RBFOX1: variants seen among roughly 807,000 people sequenced by gnomAD.
The protein encoded by RBFOX1 is RNA binding fox-1 homolog 1.
RBFOX1 carries 8 observed loss-of-function variants against 57.7 expected under a neutral mutation model. The ratio of observed to expected loss-of-function variants is 0.14; its 90% CI spans 0.08 to 0.25. The LOEUF is 0.25. Ranked by LOEUF, RBFOX1 falls within the 10% of genes least tolerant of loss-of-function variation. The pLI, the probability that RBFOX1 is intolerant of heterozygous loss-of-function variation, is 1.00. For synonymous variants in RBFOX1, 326 were observed against 222.4 expected (o/e 1.47, Z -4.15); for missense variants, 611 against 548.5 (o/e 1.11, Z -1.14).
intron 2 of RBFOX1, chr16:5,467,311 G>A: frequency 1.4e-6 from 2 of 1,434,756 alleles, no homozygotes; most frequent in Non-Finnish European, 1.9e-6. Flanking sequence ...GGAAATGAAA[G>A]CAATAGAAAA....
intron 4 of RBFOX1, among the ~76,000 whole-genome samples, chr16:7,315,462 C>CCCCCG (rs1190311368): frequency 6.8e-6 from 1 of 148,056 alleles, no homozygotes; most frequent in Non-Finnish European, 1.5e-5. Flanking sequence ...CCCTACCCCC[C>CCCCCG]CCCCCATACT....
At chr16:5,708,069 G>A (rs1329255973) in intron 3 of RBFOX1, among the ~76,000 whole-genome samples, 3 of 152,140 alleles carry the variant, frequency 2.0e-5, no homozygotes, top group Non-Finnish European at 4.4e-5. Flanking sequence ...GCTAGTTGCT[G>A]TCCATACCAA....
chr16:5,260,493 G>T (rs1750248166), intron 1 of RBFOX1, among the ~76,000 whole-genome samples: 1 of 152,182 alleles, frequency 6.6e-6, no homozygotes, highest in Admixed American at 6.5e-5. Context: ...GAAACTGAAG[G>T]AACTGGTCAA....
chr16:6,370,362 GAAAAAAAAAA>G (rs71145221), intron 2 of RBFOX1, among the ~76,000 whole-genome samples: 6 of 81,976 alleles, frequency 7.3e-5, no homozygotes, highest in South Asian at 1.2e-3. Context: ...CGTCTCAAAA[GAAAAAAAAAA>G]AAAAAAAAAA....
intron 14 of RBFOX1, among the ~76,000 whole-genome samples, chr16:7,698,183 G>GGGGTGTGTGTGT (rs1355248429): frequency 6.6e-5 from 9 of 136,116 alleles, no homozygotes; most frequent in African/African-American, 1.9e-4. Context: ...AGTCCAAGAG[G>GGGGTGTGTGTGT]GTGTGTGTGT....
intron 4 of RBFOX1, among the ~76,000 whole-genome samples, chr16:7,071,918 C>T (rs76767684): frequency 6.6e-6 from 1 of 152,118 alleles, no homozygotes; most frequent in Non-Finnish European, 1.5e-5. Flanking sequence ...TTGCTCTTCA[C>T]TACTACATCT....
In RBFOX1 at chr16:6,715,588, A is replaced by G. The variant is rs190383485; in HGVS notation, c.-16+60938A>G. On this transcript the variant is annotated intron_variant, in intron 3 of 15. Coordinates refer to ENST00000550418, the MANE Select transcript of RBFOX1 (RefSeq NM_018723.4). ...GAAGAGTCTTAAGAGCTAAGAATCC[A>G]GATTGGCTGAGCTAGTTTTCTCTTG... is the stretch of plus-strand genomic sequence containing the variant. 2.0e-5 allele frequency among the ~76,000 whole-genome samples: 3 copies of G among 152,316 alleles called. No individual in the cohort carries two copies. In the East Asian group the frequency reaches 5.8e-4, roughly 29 times the overall value.
intron 3 of RBFOX1, among the ~76,000 whole-genome samples, chr16:6,669,444 T>G (rs2098751110): frequency 6.6e-6 from 1 of 152,222 alleles, no homozygotes. Flanking sequence ...TATCAGAATT[T>G]GCAGATCAAC....
intron 4 of RBFOX1, among the ~76,000 whole-genome samples, chr16:7,504,315 T>G (rs939935328): frequency 2.0e-5 from 3 of 152,070 alleles, no homozygotes; most frequent in Non-Finnish European, 4.4e-5. Context: ...CTAATTGTAT[T>G]ATTGTTATTA....
intron 2 of RBFOX1, among the ~76,000 whole-genome samples, chr16:6,418,681 C>A (rs2093693338): frequency 6.6e-6 from 1 of 151,894 alleles, no homozygotes; most frequent in African/African-American, 2.4e-5. Flanking sequence ...TGCCACCACA[C>A]CTGGCTAATT....
intron 3 of RBFOX1, among the ~76,000 whole-genome samples, chr16:6,977,261 C>T (rs1003659003): frequency 6.6e-6 from 1 of 150,456 alleles, no homozygotes; most frequent in Admixed American, 6.7e-5. Context: ...GGCAGATTTG[C>T]TCTGCTACAA....
chr16:6,721,357 C>T (rs768183717), intron 3 of RBFOX1, among the ~76,000 whole-genome samples: 1 of 152,144 alleles, frequency 6.6e-6, no homozygotes, highest in Non-Finnish European at 1.5e-5. Context: ...GCAAGGGAAT[C>T]ACTTGAACCC....
At chr16:5,471,975 G>T (rs1007096130) in intron 2 of RBFOX1, among the ~76,000 whole-genome samples, 3 of 152,122 alleles carry the variant, frequency 2.0e-5, no homozygotes, top group Non-Finnish European at 4.4e-5. Context: ...TCACCTCCCC[G>T]ACAGATGAAA....
chr16:6,248,092 T>A (rs1328957451), intron 1 of RBFOX1, among the ~76,000 whole-genome samples: 1 of 152,208 alleles, frequency 6.6e-6, no homozygotes, highest in East Asian at 1.9e-4. Context: ...TTAAAAGCCG[T>A]CTCTCTTTTA....
chr16:7,418,855 C>G (rs1468241021), intron 4 of RBFOX1, among the ~76,000 whole-genome samples: 3 of 149,710 alleles, frequency 2.0e-5, no homozygotes, highest in Non-Finnish European at 4.4e-5. Flanking sequence ...AAGGCATTGA[C>G]TCTTCCAGAG....
chr16:5,819,782 G>A (rs933311606), intron 3 of RBFOX1, among the ~76,000 whole-genome samples: 1 of 152,072 alleles, frequency 6.6e-6, no homozygotes, highest in Non-Finnish European at 1.5e-5. Context: ...AAATATTATT[G>A]AGCACTTTCT....
At chr16:6,848,926 A>G (rs1352796974) in intron 3 of RBFOX1, among the ~76,000 whole-genome samples, 1 of 152,126 alleles carries the variant, frequency 6.6e-6, no homozygotes, top group Non-Finnish European at 1.5e-5. Context: ...AGACCAGAGA[A>G]TGTCTCACCC....
chr16:6,563,323 C>T (rs2097209580), intron 2 of RBFOX1, among the ~76,000 whole-genome samples: 1 of 152,154 alleles, frequency 6.6e-6, no homozygotes, highest in Non-Finnish European at 1.5e-5. Flanking sequence ...ATGGGCCAGG[C>T]ACTATTCTAA....
chr16:5,742,355 TTCCTTCCTC>T lies in RBFOX1; in HGVS notation c.319-124932_319-124924del, dbSNP rs891514022. On this transcript the variant is annotated intron_variant, in intron 3 of 19. Transcript: ENST00000641259. ...TCCTTCCTCTCCTAACTTTCCTTCC[TTCCTTCCTC>T]TCCTTCCTCTCCTTCTCCAAACCAT... Among the ~76,000 whole-genome samples the T allele has an allele frequency of 1.6e-4, 17 of 104,180 alleles. No homozygotes were observed. The East Asian group carries it at 7.0e-3, about 43-fold the overall frequency. 68.3% of individuals were successfully genotyped at this position (104,180 alleles called of 152,430 possible).
Sources: gnomAD v4.1 joint callset for allele counts (sites outside exome capture counted in the v4.1 genomes callset) on GRCh38, gnomAD v4.1.1 for gene constraint, MANE v1.5 for transcripts, NCBI Gene and HGNC (gene_info 2026-07-23, HGNC 2026-07-21) for gene names.